Variants in ADAMTS2 observed in about 807,000 individuals in gnomAD.
ADAMTS2 encodes the protein ADAM metallopeptidase with thrombospondin type 1 motif 2, also known as A disintegrin and metalloproteinase with thrombospondin motifs 2.
In ADAMTS2, 50 loss-of-function variants were observed where a neutral mutation model predicts 123.0. The observed-to-expected ratio is 0.41, with a 90% CI of 0.32 to 0.51. The LOEUF is 0.51. Ranked by LOEUF, ADAMTS2 falls within the 20% of genes least tolerant of loss-of-function variation. ADAMTS2 has a pLI of 0.35. For synonymous variants in ADAMTS2, 678 were observed against 695.4 expected (o/e 0.98, Z 0.39); for missense variants, 1,494 against 1,705.2 (o/e 0.88, Z 2.18).
At chr5:179,310,552 G>C (rs1014903211) in intron 2 of ADAMTS2, among the ~76,000 whole-genome samples, 4 of 152,166 alleles carry the variant, frequency 2.6e-5, no homozygotes, top group African/African-American at 4.8e-5. Flanking sequence ...ACCGGTGCTA[G>C]AATCCCGGCT....
chr5:179,190,589 G>C (rs1261561071), intron 4 of ADAMTS2, among the ~76,000 whole-genome samples: 1 of 152,200 alleles, frequency 6.6e-6, no homozygotes, highest in East Asian at 1.9e-4. Flanking sequence ...AGTTTATGTT[G>C]TCATACACCA....
Position 179,129,533 on chromosome 5 carries a change from C to G in ADAMTS2, c.2457+399G>C, listed in dbSNP as rs184274659. Among the ~76,000 whole-genome samples the G allele has an allele frequency of 1.4e-4, 22 of 152,300 alleles. No individual in the cohort carries two copies. The East Asian group carries it at 3.5e-3, about 24-fold the overall frequency. ...CCAGGAGATCTGGGGTCCCATCCTGCTTAGAGACACAGTCCAGCTCAACCT... is the reference window on the plus strand; with the variant it reads ...CCAGGAGATCTGGGGTCCCATCCTGGTTAGAGACACAGTCCAGCTCAACCT... On this transcript the variant is annotated intron_variant, in intron 16 of 21. Transcript: ENST00000251582. The surrounding 1 kb of genome is among the most constrained non-coding windows in gnomAD (Gnocchi z 4.1).
At chr5:179,292,054 AT>A (rs1234709218) in intron 2 of ADAMTS2, among the ~76,000 whole-genome samples, 1 of 152,074 alleles carries the variant, frequency 6.6e-6, no homozygotes, top group Middle Eastern at 3.2e-3. Context: ...CAAACATTAA[AT>A]TTAACACGAC....
intron 3 of ADAMTS2, among the ~76,000 whole-genome samples, chr5:179,265,090 C>T (rs1284873849): frequency 6.6e-6 from 1 of 151,522 alleles, no homozygotes; most frequent in Non-Finnish European, 1.5e-5. Flanking sequence ...ACTCACCCAC[C>T]TAGTGCTGGA....
chr5:179,217,873 G>GGGGGA (rs1346504376), intron 3 of ADAMTS2, among the ~76,000 whole-genome samples: 38 of 58,236 alleles, frequency 6.5e-4, no homozygotes, highest in African/African-American at 2.5e-3. Context: ...TGGCCTGAGG[G>GGGGGA]CAGACGGCAC....
At chr5:179,320,307 A>T (rs190794972) in intron 2 of ADAMTS2, among the ~76,000 whole-genome samples, 1 of 151,114 alleles carries the variant, frequency 6.6e-6, no homozygotes, top group South Asian at 2.1e-4. Flanking sequence ...ACCCTCCTCC[A>T]TTTTTTTGGG....
chr5:179,301,615 G>A (rs1756521045), intron 2 of ADAMTS2, among the ~76,000 whole-genome samples: 1 of 152,374 alleles, frequency 6.6e-6, no homozygotes, highest in South Asian at 2.1e-4. Context: ...ACAAGGCTGT[G>A]TGCACAGATC....
intron 18 of ADAMTS2, 88 bp downstream of exon 18, chr5:179,125,910 G>A: frequency 1.3e-6 from 2 of 1,566,460 alleles, no homozygotes; most frequent in South Asian, 1.1e-5. Context: ...GATGATGCCA[G>A]GCCCAGGCCC....
intron 4 of ADAMTS2, among the ~76,000 whole-genome samples, chr5:179,184,443 G>A (rs1312948418): frequency 4.6e-5 from 7 of 151,142 alleles, no homozygotes; most frequent in Admixed American, 2.6e-4. Flanking sequence ...CCCAGGAGGC[G>A]GAGGTTGCAG....
At chr5:179,337,439 T>C (rs1422970006) in intron 2 of ADAMTS2, among the ~76,000 whole-genome samples, 1 of 152,142 alleles carries the variant, frequency 6.6e-6, no homozygotes, top group African/African-American at 2.4e-5. Flanking sequence ...ACACGCACAC[T>C]GCATGCACGT....
At chr5:179,326,226 G>C (rs1757316933) in intron 2 of ADAMTS2, among the ~76,000 whole-genome samples, 1 of 151,836 alleles carries the variant, frequency 6.6e-6, no homozygotes, top group African/African-American at 2.4e-5. Context: ...GTGTGTGTGT[G>C]TGTGTCCACC....
chr5:179,143,333 T>C (rs990490745), intron 10 of ADAMTS2, among the ~76,000 whole-genome samples: 1 of 150,120 alleles, frequency 6.7e-6, no homozygotes, highest in Admixed American at 6.7e-5. Context: ...ACTCGGAGGC[T>C]GAGACAGGAG....
chr5:179,310,252 C>T (rs1009469317), intron 2 of ADAMTS2, among the ~76,000 whole-genome samples: 18 of 152,248 alleles, frequency 1.2e-4, no homozygotes, highest in South Asian at 4.1e-4. Context: ...CAGCTCCCAG[C>T]GGGCAGGGAT....
At chr5:179,213,341 G>T (rs1369330162) in intron 3 of ADAMTS2, among the ~76,000 whole-genome samples, 1 of 152,240 alleles carries the variant, frequency 6.6e-6, no homozygotes, top group East Asian at 1.9e-4. Flanking sequence ...GGCAGGTCTT[G>T]TCTCATTTGT....
intron 9 of ADAMTS2, among the ~76,000 whole-genome samples, chr5:179,152,913 T>C (rs3776818): frequency 0.44 from 67,321 of 151,984 alleles, 15,500 homozygotes; most frequent in African/African-American, 0.57. Context: ...CCTCTCCGGG[T>C]CTCTGTTTCC....
chr5:179,113,300 G>A lies in ADAMTS2; in HGVS notation c.*567C>T, dbSNP rs1417250276. 1 of 164,392 alleles carries A rather than the reference G, an allele frequency of 6.1e-6. No homozygotes were observed. The highest frequency in any genetic ancestry group is 1.6e-4 in the East Asian group (1 of 6,108). 10.2% of individuals were successfully genotyped at this position (164,392 alleles called of 1,614,324 possible). ...AGCCAGAACCAAGTCAGCTCCAGGT[G>A]GGTGTGGCTGTCAGGGCGGCCATGG... On this transcript the variant is annotated 3_prime_UTR_variant, in exon 22 of 22. Coordinates refer to ENST00000251582, the MANE Select transcript of ADAMTS2 (RefSeq NM_014244.5).
In ADAMTS2 at chr5:179,125,861, C is replaced by T. The variant is rs540623599; in HGVS notation, c.2750+137G>A. On this transcript the variant is annotated intron_variant, in intron 18 of 21. Coordinates refer to ENST00000251582, the MANE Select transcript of ADAMTS2 (RefSeq NM_014244.5). ...CTTCTGCCCTGCAGCATCTTAGATT[C>T]CATGAAATGTGGTGAGAGAGACTTG... 9.1e-6 allele frequency: 12 copies of T among 1,318,132 alleles called. No individual in the cohort carries two copies. The South Asian group carries it at 1.5e-4, about 17-fold the overall frequency. 81.7% of individuals were successfully genotyped at this position (1,318,132 alleles called of 1,614,324 possible). A position where few individuals can be genotyped will look rare whatever the true frequency, so the allele number is the denominator to read the frequency against.
Position 179,158,635 on chromosome 5 carries a change from G to C in ADAMTS2, c.1132+88C>G. The C allele has an allele frequency of 6.3e-7, 1 of 1,581,786 alleles. No individual in the cohort carries two copies. The highest frequency in any genetic ancestry group is 8.7e-7 in the Non-Finnish European group (1 of 1,156,000). On this transcript the variant is annotated intron_variant, in intron 6 of 21. Coordinates refer to ENST00000251582, the MANE Select transcript of ADAMTS2 (RefSeq NM_014244.5). The surrounding 1 kb of genome is among the most constrained non-coding windows in gnomAD (Gnocchi z 5.0). ...TCCCTGCCCTGACACTCTTCCCTGG[G>C]CTGGGCCAAGGCTCCCGGGGCCCCT...
At chr5:179,152,412 A>C (rs1763379077) in intron 9 of ADAMTS2, among the ~76,000 whole-genome samples, 157 bp from the exon 10 acceptor site, 1 of 152,102 alleles carries the variant, frequency 6.6e-6, no homozygotes, top group Admixed American at 6.5e-5. Flanking sequence ...GGGGTGGTGA[A>C]GACCTTGCCC....
Sources: allele counts gnomAD v4.1 joint callset (sites outside exome capture counted in the v4.1 genomes callset), GRCh38; gene constraint gnomAD v4.1.1; non-coding constraint Gnocchi (gnomAD v3.1); transcripts MANE v1.5; gene names NCBI Gene and HGNC (gene_info 2026-07-23, HGNC 2026-07-21).